Variants in SHC3 observed in about 807,000 individuals in gnomAD.
SHC3 encodes the protein SHC-transforming protein 3.
Under a neutral mutation model 60.4 loss-of-function variants are expected in SHC3, and 15 were observed. The observed-to-expected ratio is 0.25, with a 90% CI of 0.17 to 0.38. The LOEUF (loss-of-function observed/expected upper bound fraction) is 0.38. Ranked by LOEUF, SHC3 falls within the 10% of genes least tolerant of loss-of-function variation. The pLI is 1.00. For missense variants in SHC3, 677 were observed against 786.1 expected, an observed-to-expected ratio of 0.86 and a Z score of 1.66; for synonymous variants, 294 against 325.9, an observed-to-expected ratio of 0.90 and a Z score of 1.05.
Position 89,112,634 on chromosome 9 carries a change from G to C in SHC3, c.475-8C>G. The C allele has an allele frequency of 1.3e-6, 2 of 1,577,008 alleles. No individual in the cohort carries two copies. Among genetic ancestry groups the C allele is most frequent in the Non-Finnish European group, 1.7e-6 (2 of 1,165,232 alleles). ...TTCAATGCACCCCAAGTACTGCAAG[G>C]GGAAAAAATGTAAATCGTGAGCCCT... On this transcript the variant is annotated splice_region_variant and splice_polypyrimidine_tract_variant and intron_variant, in intron 1 of 11. Coordinates refer to ENST00000375835, the MANE Select transcript of SHC3 (RefSeq NM_016848.6).
chr9:89,058,698 G>C (rs1825000719), intron 6 of SHC3, among the ~76,000 whole-genome samples: 1 of 148,190 alleles, frequency 6.7e-6, no homozygotes, highest in Non-Finnish European at 1.5e-5. Flanking sequence ...GAGGGCGGTG[G>C]TGGAGGACGT....
chr9:89,119,907 A>G (rs1826066761), intron 1 of SHC3, among the ~76,000 whole-genome samples: 1 of 152,246 alleles, frequency 6.6e-6, no homozygotes, highest in African/African-American at 2.4e-5. Context: ...AGTCCAGGAG[A>G]AAGAGCACAC....
At chr9:89,026,743 C>T (rs1826312018) in intron 11 of SHC3, among the ~76,000 whole-genome samples, 2 of 152,222 alleles carry the variant, frequency 1.3e-5, no homozygotes, top group African/African-American at 2.4e-5. Context: ...TACATGCCCA[C>T]AAGCAACCCC....
intron 1 of SHC3, among the ~76,000 whole-genome samples, chr9:89,156,323 C>G (rs1262950579): frequency 6.6e-6 from 1 of 152,164 alleles, no homozygotes; most frequent in African/African-American, 2.4e-5. Flanking sequence ...CAGCCCCAGT[C>G]AAACCTTCGG....
intron 2 of SHC3, 152 bp from the exon 3 acceptor site, chr9:89,078,055 T>C: frequency 1.2e-6 from 1 of 835,426 alleles, no homozygotes; most frequent in Non-Finnish European, 1.9e-6. Context: ...CGATTCTTCT[T>C]CTAAAACACA....
chr9:89,156,885 T>C (rs1826631306), intron 1 of SHC3, among the ~76,000 whole-genome samples: 2 of 152,032 alleles, frequency 1.3e-5, no homozygotes, highest in South Asian at 2.1e-4. Context: ...AATCAGAAAA[T>C]CCTGGAATCC....
At chr9:89,043,189 C>T (rs1824715391) in intron 9 of SHC3, among the ~76,000 whole-genome samples, 1 of 152,182 alleles carries the variant, frequency 6.6e-6, no homozygotes, top group African/African-American at 2.4e-5. Flanking sequence ...TCCCAAGAGC[C>T]TGTGGCTGGA....
At chr9:89,082,946 A>G (rs1825469459) in intron 2 of SHC3, among the ~76,000 whole-genome samples, 1 of 152,192 alleles carries the variant, frequency 6.6e-6, no homozygotes, top group South Asian at 2.1e-4. Context: ...AGTGTCTTAA[A>G]ATCATCACAA....
At chr9:89,042,926 T>C (rs1386061266) in intron 9 of SHC3, among the ~76,000 whole-genome samples, 2 of 152,046 alleles carry the variant, frequency 1.3e-5, no homozygotes, top group Non-Finnish European at 1.5e-5. Context: ...GCCCGGGCTG[T>C]TCTGTCACCC....
At chr9:89,092,776 G>A (rs984691091) in intron 2 of SHC3, among the ~76,000 whole-genome samples, 2 of 151,704 alleles carry the variant, frequency 1.3e-5, no homozygotes, top group African/African-American at 2.4e-5. Context: ...GTGTGTGTGT[G>A]TATACCAAAA....
chr9:89,107,477 T>A (rs993678511), intron 2 of SHC3, among the ~76,000 whole-genome samples: 4 of 152,160 alleles, frequency 2.6e-5, no homozygotes, highest in Non-Finnish European at 4.4e-5. Context: ...AGAAGTGAAG[T>A]GGAGGCATCC....
At chr9:89,150,710 C>G (rs1826533666) in intron 1 of SHC3, among the ~76,000 whole-genome samples, 1 of 152,110 alleles carries the variant, frequency 6.6e-6, no homozygotes, top group Non-Finnish European at 1.5e-5. Context: ...TGTCAGTTCT[C>G]TTGGGTATAT....
chr9:89,176,693 G>T (rs1262400145), intron 1 of SHC3, among the ~76,000 whole-genome samples: 1 of 152,116 alleles, frequency 6.6e-6, no homozygotes, highest in Admixed American at 6.5e-5. Flanking sequence ...CATATATTAT[G>T]CTCATCTATA....
At chr9:89,058,290 G>A (rs1370514516) in intron 6 of SHC3, among the ~76,000 whole-genome samples, 6 of 150,410 alleles carry the variant, frequency 4.0e-5, no homozygotes, top group Admixed American at 1.3e-4. Context: ...GAGGACGGTG[G>A]TGGAGGATGC....
intron 2 of SHC3, among the ~76,000 whole-genome samples, chr9:89,079,749 A>T (rs1825416317): frequency 6.6e-6 from 1 of 152,220 alleles, no homozygotes; most frequent in Admixed American, 6.5e-5. Flanking sequence ...TTTCACACAG[A>T]ACAGAATGCA....
intron 7 of SHC3, 51 bp from the exon 8 acceptor site, chr9:89,047,045 C>A: frequency 5.4e-6 from 8 of 1,480,566 alleles, no homozygotes; most frequent in Non-Finnish European, 5.4e-6. Context: ...AACTTGCAGC[C>A]AAAATCAACA....
At chr9:89,109,520 A>G (rs1285113306) in intron 2 of SHC3, 1 of 985,378 alleles carries the variant, frequency 1.0e-6, no homozygotes, top group Admixed American at 6.1e-5. Context: ...AGAATGTTGG[A>G]AGCCAGAAGT....
intron 6 of SHC3, among the ~76,000 whole-genome samples, chr9:89,064,823 C>T (rs1825151589): frequency 2.6e-5 from 4 of 152,086 alleles, no homozygotes; most frequent in South Asian, 2.1e-4. Context: ...AAGCATTATG[C>T]AAAGCAAACT....
intron 2 of SHC3, among the ~76,000 whole-genome samples, chr9:89,108,305 G>C: frequency 6.6e-6 from 1 of 151,680 alleles, no homozygotes; most frequent in Non-Finnish European, 1.5e-5. Flanking sequence ...TTGAGCCCAG[G>C]AGTTAGAGAG....
Sources: allele counts gnomAD v4.1 joint callset (sites outside exome capture counted in the v4.1 genomes callset), GRCh38; gene constraint gnomAD v4.1.1; transcripts MANE v1.5; gene names NCBI Gene and HGNC (gene_info 2026-07-23, HGNC 2026-07-21).